EIPR1: variants seen among roughly 807,000 people sequenced by gnomAD.
EIPR1 encodes the protein EARP complex and GARP complex interacting protein 1, also known as EARP and GARP complex-interacting protein 1.
A neutral mutation model predicts 48.1 loss-of-function variants in EIPR1; 25 were observed. That is an observed-to-expected ratio of 0.52 (90% CI 0.38 to 0.73). The LOEUF (loss-of-function observed/expected upper bound fraction) is 0.73, where lower values mean the gene tolerates loss of function less well. Ranked by LOEUF, EIPR1 falls within the 30% of genes least tolerant of loss-of-function variation. The probability of loss-of-function intolerance (pLI) is 0.00; values close to 1 mark genes in which losing one functional copy is unlikely to be tolerated. For missense variants in EIPR1, 415 were observed against 506.2 expected (o/e 0.82, Z 1.73); for synonymous variants, 204 against 201.9 (o/e 1.01, Z -0.09).
intron 3 of EIPR1, among the ~76,000 whole-genome samples, chr2:3,325,592 A>C (rs1265949578): frequency 6.6e-6 from 1 of 152,108 alleles, no homozygotes; most frequent in Non-Finnish European, 1.5e-5. Context: ...GTCTTCAGGG[A>C]GCCACACCAA....
chr2:3,261,041 G>C (rs1461038470), intron 3 of EIPR1, among the ~76,000 whole-genome samples: 1 of 152,210 alleles, frequency 6.6e-6, no homozygotes, highest in Non-Finnish European at 1.5e-5. Flanking sequence ...TTGGCTTGTT[G>C]ATAATAAGCT....
chr2:3,352,172 C>T (rs1197709052), intron 2 of EIPR1, among the ~76,000 whole-genome samples: 4 of 143,402 alleles, frequency 2.8e-5, no homozygotes, highest in South Asian at 2.4e-4. Flanking sequence ...CTGTCTGTTC[C>T]GGACACCTTT....
intron 3 of EIPR1, among the ~76,000 whole-genome samples, chr2:3,333,151 G>A (rs889363615): frequency 5.9e-5 from 9 of 152,074 alleles, no homozygotes; most frequent in East Asian, 5.8e-4. Context: ...AGGGTTTCTC[G>A]CTTGCATTTT....
chr2:3,240,983 ATCC>A (rs1666600026), intron 4 of EIPR1, among the ~76,000 whole-genome samples: 1 of 112,148 alleles, frequency 8.9e-6, no homozygotes. Context: ...AAGCCAGCAG[ATCC>A]CTCCTAAAGC....
chr2:3,305,894 G>T (rs895623332), intron 3 of EIPR1, among the ~76,000 whole-genome samples: 1 of 152,084 alleles, frequency 6.6e-6, no homozygotes, highest in Non-Finnish European at 1.5e-5. Flanking sequence ...TATTTATTCT[G>T]TATTTTCCTA....
intron 3 of EIPR1, among the ~76,000 whole-genome samples, chr2:3,309,889 T>C (rs1669069555): frequency 6.6e-6 from 1 of 152,146 alleles, no homozygotes; most frequent in Non-Finnish European, 1.5e-5. Flanking sequence ...GACGGTGGTG[T>C]GGGTAGGATT....
intron 3 of EIPR1, among the ~76,000 whole-genome samples, chr2:3,276,799 T>C (rs1667862287): frequency 6.6e-6 from 1 of 152,278 alleles, no homozygotes; most frequent in African/African-American, 2.4e-5. Flanking sequence ...CTCTAAGTTC[T>C]GGTTGTTTTA....
At chr2:3,214,875 G>A (rs1037873608) in intron 4 of EIPR1, among the ~76,000 whole-genome samples, 1 of 152,164 alleles carries the variant, frequency 6.6e-6, no homozygotes, top group African/African-American at 2.4e-5. Flanking sequence ...GAGGTGATTA[G>A]GGTTAGAGGA....
intron 1 of EIPR1, among the ~76,000 whole-genome samples, chr2:3,365,195 T>C (rs1351425567): frequency 6.6e-6 from 1 of 150,774 alleles, no homozygotes; most frequent in Non-Finnish European, 1.5e-5. Context: ...TCCACAACTG[T>C]AAGAGGCCAA....
chr2:3,304,800 A>ATTCAGCCCTCCACTCCCGTCCAG (rs1668870500), intron 3 of EIPR1, among the ~76,000 whole-genome samples: 1 of 38,316 alleles, frequency 2.6e-5, no homozygotes, highest in African/African-American at 1.1e-4. Context: ...GTCCCGTCCA[A>ATTCAGCCCTCCACTCCCGTCCAG]TTCAGCCCTC....
At chr2:3,253,513 G>A (rs371584062) in intron 4 of EIPR1, among the ~76,000 whole-genome samples, 3 of 152,186 alleles carry the variant, frequency 2.0e-5, no homozygotes, top group Admixed American at 6.5e-5. Context: ...CGTCATCGCC[G>A]TTTCAGGGAT....
At chr2:3,257,142 AGGG>A (rs1366382137) in intron 4 of EIPR1, among the ~76,000 whole-genome samples, 154 bp downstream of exon 4, 2 of 152,334 alleles carry the variant, frequency 1.3e-5, no homozygotes, top group East Asian at 3.9e-4. Flanking sequence ...TAGAAAACAC[AGGG>A]ACTAAAATTA....
chr2:3,347,119 G>C (rs1473814962), intron 2 of EIPR1, among the ~76,000 whole-genome samples: 3 of 152,132 alleles, frequency 2.0e-5, no homozygotes, highest in African/African-American at 4.8e-5. Flanking sequence ...GTGACTGGAA[G>C]CTTCCTGAGG....
At chr2:3,346,130 T>C (rs974186344) in intron 2 of EIPR1, among the ~76,000 whole-genome samples, 1 of 152,204 alleles carries the variant, frequency 6.6e-6, no homozygotes, top group Admixed American at 6.5e-5. Context: ...CATAGGCCCA[T>C]GCGGGAGGGC....
intron 1 of EIPR1, among the ~76,000 whole-genome samples, chr2:3,356,241 A>C (rs1364245895): frequency 1.3e-5 from 2 of 152,226 alleles, no homozygotes; most frequent in Admixed American, 6.5e-5. Flanking sequence ...GACCTTGCGC[A>C]AAGTGCCTCT....
intron 3 of EIPR1, among the ~76,000 whole-genome samples, chr2:3,316,699 A>G (rs1049383970): frequency 6.6e-6 from 1 of 152,186 alleles, no homozygotes; most frequent in African/African-American, 2.4e-5. Flanking sequence ...TTTTTTCCCC[A>G]AAGGGTTGCT....
chr2:3,349,409 G>A (rs28627204), intron 2 of EIPR1, among the ~76,000 whole-genome samples: 77,906 of 152,170 alleles, frequency 0.51, 21,466 homozygotes, highest in Admixed American at 0.62. Context: ...CGCAGGGACT[G>A]CTTTACTGAT....
At chr2:3,264,836 G>A (rs1399266809) in intron 3 of EIPR1, among the ~76,000 whole-genome samples, 3 of 151,988 alleles carry the variant, frequency 2.0e-5, no homozygotes, top group Non-Finnish European at 2.9e-5. Flanking sequence ...TACTGGTGCC[G>A]CCACCATGCC....
intron 3 of EIPR1, among the ~76,000 whole-genome samples, chr2:3,324,914 G>C (rs1669648457): frequency 6.6e-6 from 1 of 152,214 alleles, no homozygotes; most frequent in African/African-American, 2.4e-5. Context: ...CACAGGAGCT[G>C]TAACAACCTG....
Sources: allele counts gnomAD v4.1 joint callset (sites outside exome capture counted in the v4.1 genomes callset), GRCh38; gene constraint gnomAD v4.1.1; transcripts MANE v1.5; gene names NCBI Gene and HGNC (gene_info 2026-07-23, HGNC 2026-07-21).